Variants in RAB1A observed in about 807,000 individuals in gnomAD.
The protein encoded by RAB1A is RAB1A, member RAS oncogene family.
Under a neutral mutation model 26.0 loss-of-function variants are expected in RAB1A, and 2 were observed. The observed-to-expected ratio is 0.08, with a 90% CI of 0.03 to 0.24. The LOEUF (loss-of-function observed/expected upper bound fraction) is 0.24, where lower values mean the gene tolerates loss of function less well. Among genes scored for constraint, RAB1A ranks in the 10% least tolerant of loss-of-function variants. The pLI, the probability that RAB1A is intolerant of heterozygous loss-of-function variation, is 1.00. For missense variants in RAB1A, 100 were observed against 247.0 expected (o/e 0.40, Z 3.99); for synonymous variants, 84 against 84.9 (o/e 0.99, Z 0.06).
intron 1 of RAB1A, among the ~76,000 whole-genome samples, chr2:65,127,743 T>G (rs6729150): frequency 1.3e-5 from 2 of 151,540 alleles, no homozygotes; most frequent in African/African-American, 2.4e-5. Context: ...AATAAATAAT[T>G]TTTTTTTTGA....
In RAB1A at chr2:65,103,582, A is replaced by ACTGAAAAACGCAAACATC. The variant is rs576936588; in HGVS notation, c.96+1134_96+1151dup. 1.9e-4 allele frequency among the ~76,000 whole-genome samples: 29 copies of ACTGAAAAACGCAAACATC among 152,192 alleles called. 1 individual carries two copies. The South Asian group carries it at 5.4e-3, about 28-fold the overall frequency. Reference sequence around the variant, plus strand: ...CTTTTGTACCAGAGCCAATGTCATCACTGAAAAACGCAAACATCTTTTATA... The same window carrying ACTGAAAAACGCAAACATC: ...CTTTTGTACCAGAGCCAATGTCATCACTGAAAAACGCAAACATCCTGAAAAACGCAAACATCTTTTATA... On this transcript the variant is annotated intron_variant, in intron 2 of 5. Coordinates refer to ENST00000409784, the MANE Select transcript of RAB1A (RefSeq NM_004161.5).
chr2:65,125,050 C>A (rs200723878), intron 1 of RAB1A, among the ~76,000 whole-genome samples: 1,267 of 129,368 alleles, frequency 9.8e-3, no homozygotes, highest in Non-Finnish European at 0.012. Context: ...ACAATGCAAG[C>A]AAAAAAAAAA....
At chr2:65,095,831 G>A (rs1269127994) in intron 3 of RAB1A, among the ~76,000 whole-genome samples, 1 of 151,730 alleles carries the variant, frequency 6.6e-6, no homozygotes, top group Non-Finnish European at 1.5e-5. Context: ...GGCCAACATG[G>A]CGAAATCCCA....
intron 1 of RAB1A, among the ~76,000 whole-genome samples, chr2:65,120,284 C>T (rs1348847757): frequency 4.0e-5 from 6 of 151,740 alleles, no homozygotes; most frequent in Non-Finnish European, 8.8e-5. Context: ...GGTGAAACTC[C>T]GTCTTTACTA....
At position 65,087,176 on chromosome 2, in the gene RAB1A, CAGA is replaced by C. The variant is rs929860717; in HGVS notation, c.*1314_*1316del. Reference sequence around the variant, plus strand: ...AGTCACCTTAAAATGCCAGTGTGGGCAGAAGATTTTTTATTCCTCACAATTAAA... The same window carrying C: ...AGTCACCTTAAAATGCCAGTGTGGGCAGATTTTTTATTCCTCACAATTAAA... On this transcript the variant is annotated 3_prime_UTR_variant, in exon 6 of 6. Transcript: ENST00000409784. 1.0e-4 allele frequency: 16 copies of C among 152,456 alleles called. No homozygotes were observed. The highest frequency in any genetic ancestry group is 4.6e-4 in the Admixed American group (7 of 15,278). 9.4% of individuals were successfully genotyped at this position (152,456 alleles called of 1,614,324 possible). A position where few individuals can be genotyped will look rare whatever the true frequency, so the allele number is the denominator to read the frequency against.
At chr2:65,103,304 A>AAAAAAAAAACAAACAAAC (rs1553392777) in intron 2 of RAB1A, among the ~76,000 whole-genome samples, 1 of 112,502 alleles carries the variant, frequency 8.9e-6, no homozygotes, top group African/African-American at 3.1e-5. Context: ...TGTCTCAAAA[A>AAAAAAAAAACAAACAAAC]AAAAAAAAAA....
chr2:65,110,116 GA>G (rs917894059), intron 1 of RAB1A, among the ~76,000 whole-genome samples: 1 of 152,054 alleles, frequency 6.6e-6, no homozygotes, highest in Non-Finnish European at 1.5e-5. Context: ...ATATTAGGGG[GA>G]AAAAATGATG....
In RAB1A at chr2:65,112,439, A is replaced by C. The variant is rs12472234; in HGVS notation, c.24-7633T>G. Among the ~76,000 whole-genome samples the C allele has an allele frequency of 5.6e-3, 855 of 152,138 alleles. 10 individuals are homozygous for C. The highest frequency in any genetic ancestry group is 0.019 in the African/African-American group (803 of 41,520). ...TGGGATTATAGGCATAAGCCACCGT[A>C]CCCAGCCACTTATGATATTTTTAAA... On this transcript the variant is annotated intron_variant, in intron 1 of 5. Coordinates refer to ENST00000409784, the MANE Select transcript of RAB1A (RefSeq NM_004161.5).
chr2:65,126,076 G>A (rs1275914940), intron 1 of RAB1A, among the ~76,000 whole-genome samples: 2 of 151,882 alleles, frequency 1.3e-5, no homozygotes, highest in South Asian at 2.1e-4. Flanking sequence ...TGCCATATTG[G>A]CCAGGCTGGT....
intron 4 of RAB1A, among the ~76,000 whole-genome samples, chr2:65,089,978 C>T (rs1669133805): frequency 6.6e-6 from 1 of 152,204 alleles, no homozygotes; most frequent in South Asian, 2.1e-4. Context: ...TCTGGGATTA[C>T]AGGCGTGAGC....
Position 65,130,087 on chromosome 2 carries a change from C to G in RAB1A, c.-172G>C. 2 of 770,308 alleles carry G rather than the reference C, an allele frequency of 2.6e-6. No individual in the cohort carries two copies. The highest frequency in any genetic ancestry group is 2.2e-5 in the Admixed American group (1 of 46,238). The allele number at this position is 770,308 out of a possible 1,614,324, so 47.7% of individuals were successfully genotyped here. On this transcript the variant is annotated 5_prime_UTR_variant, in exon 1 of 6. Transcript: ENST00000409784. ...ACAATCAGCAGCCGCCGCCACTCAGCTATCGCTTCCACCCAAAATGGCCGC... is the reference window on the plus strand; with the variant it reads ...ACAATCAGCAGCCGCCGCCACTCAGGTATCGCTTCCACCCAAAATGGCCGC...
chr2:65,120,904 AGTTTCACT>A (rs1669948649), intron 1 of RAB1A, among the ~76,000 whole-genome samples: 1 of 152,186 alleles, frequency 6.6e-6, no homozygotes, highest in Admixed American at 6.6e-5. Flanking sequence ...TAATTCACTG[AGTTTCACT>A]GTTGAAGATC....
At chr2:65,105,810 T>A (rs1351755297) in intron 1 of RAB1A, among the ~76,000 whole-genome samples, 1 of 151,988 alleles carries the variant, frequency 6.6e-6, no homozygotes, top group Non-Finnish European at 1.5e-5. Flanking sequence ...TCACCCAGGC[T>A]GGAGTGCAGT....
chr2:65,126,281 T>G (rs1670099719), intron 1 of RAB1A, among the ~76,000 whole-genome samples: 1 of 150,640 alleles, frequency 6.6e-6, no homozygotes, highest in Non-Finnish European at 1.5e-5. Context: ...GCCACTGCAC[T>G]CCAGCCTGGG....
chr2:65,103,304 A>AAAAAAACAAAAAAAAAAC (rs1553392769), intron 2 of RAB1A, among the ~76,000 whole-genome samples: 1 of 112,502 alleles, frequency 8.9e-6, no homozygotes, highest in Admixed American at 1.0e-4. Context: ...TGTCTCAAAA[A>AAAAAAACAAAAAAAAAAC]AAAAAAAAAA....
intron 1 of RAB1A, among the ~76,000 whole-genome samples, chr2:65,112,153 T>TC (rs1184262432): frequency 5.9e-5 from 9 of 151,896 alleles, no homozygotes; most frequent in Non-Finnish European, 1.3e-4. Context: ...CATGATTTTT[T>TC]TTTTTTTTTT....
intron 2 of RAB1A, among the ~76,000 whole-genome samples, chr2:65,099,505 G>A (rs573025612): frequency 8.3e-4 from 127 of 152,302 alleles, no homozygotes; most frequent in Middle Eastern, 3.4e-3. Context: ...TAATGAGAAC[G>A]GCACTGCCAA....
In RAB1A at chr2:65,087,224, G is replaced by A. The variant is rs1357449163; in HGVS notation, c.*1269C>T. ...ATTAAAAACCAAACAAAACCCCCTAGGATCTTGAAGGTCCTATTTCAGAAA... is the reference window on the plus strand; with the variant it reads ...ATTAAAAACCAAACAAAACCCCCTAAGATCTTGAAGGTCCTATTTCAGAAA... On this transcript the variant is annotated 3_prime_UTR_variant, in exon 6 of 6. Transcript: ENST00000409784. 1 of 152,444 alleles carries A rather than the reference G, an allele frequency of 6.6e-6. No homozygotes were observed. Among genetic ancestry groups the A allele is most frequent in the Non-Finnish European group, 1.5e-5 (1 of 67,996 alleles). The allele number at this position is 152,444 out of a possible 1,614,324, so 9.4% of individuals were successfully genotyped here. A position where few individuals can be genotyped will look rare whatever the true frequency, so the allele number is the denominator to read the frequency against.
intron 2 of RAB1A, among the ~76,000 whole-genome samples, chr2:65,098,437 CA>C (rs1185069649): frequency 6.6e-6 from 1 of 152,118 alleles, no homozygotes; most frequent in African/African-American, 2.4e-5. Flanking sequence ...CACTAATCAG[CA>C]AAACTCTTGC....
Sources: gnomAD v4.1 joint callset for allele counts (sites outside exome capture counted in the v4.1 genomes callset) on GRCh38, gnomAD v4.1.1 for gene constraint, MANE v1.5 for transcripts, NCBI Gene and HGNC (gene_info 2026-07-23, HGNC 2026-07-21) for gene names.